Variants in EIF3B observed in about 807,000 individuals in gnomAD.
EIF3B encodes the protein eukaryotic translation initiation factor 3 subunit B.
EIF3B carries 10 observed loss-of-function variants against 104.6 expected under a neutral mutation model. That is an observed-to-expected ratio of 0.10 (90% CI 0.06 to 0.16). The LOEUF (loss-of-function observed/expected upper bound fraction) is 0.16, where lower values mean the gene tolerates loss of function less well. EIF3B is among the 10% of genes least tolerant of loss of function. The pLI is 1.00. For missense variants in EIF3B, 1,014 were observed against 1,087.9 expected, an observed-to-expected ratio of 0.93 and a Z score of 0.96; for synonymous variants, 542 against 417.2, an observed-to-expected ratio of 1.30 and a Z score of -3.65.
In EIF3B at chr7:2,369,878, A is replaced by G. The variant is rs1193610877; in HGVS notation, c.1614+196A>G. Among the ~76,000 whole-genome samples the G allele has an allele frequency of 6.6e-5, 9 of 137,170 alleles. No individual in the cohort carries two copies. Among genetic ancestry groups the G allele is most frequent in the Non-Finnish European group, 1.4e-4 (9 of 66,146 alleles). 90.0% of individuals were successfully genotyped at this position (137,170 alleles called of 152,430 possible). A position where few individuals can be genotyped will look rare whatever the true frequency, so the allele number is the denominator to read the frequency against. On this transcript the variant is annotated intron_variant, in intron 10 of 18. Coordinates refer to ENST00000360876, the MANE Select transcript of EIF3B (RefSeq NM_001037283.2). ...TGCAGTCTCTGCCTCCTGGTTTCAAATGATTCTTCTGCCTCAGCTTCCCAA... is the reference window on the plus strand; with the variant it reads ...TGCAGTCTCTGCCTCCTGGTTTCAAGTGATTCTTCTGCCTCAGCTTCCCAA...
In EIF3B at chr7:2,378,753, C is replaced by G. The variant is rs1365425855; in HGVS notation, c.2219C>G (p.Ser740Cys). 1.2e-6 allele frequency: 2 copies of G among 1,613,754 alleles called. No homozygotes were observed. The highest frequency in any genetic ancestry group is 1.7e-6 in the Non-Finnish European group (2 of 1,179,750). Reference protein sequence around the residue: ...IFEQKDRLSQSKASKELVERR... With the variant: ...IFEQKDRLSQCKASKELVERR... Reference sequence around the variant, plus strand: ...GAACAGAAGGATCGTTTGAGTCAGTCCAAAGCCTCAAAGGTGAGCCTCATT... The same window carrying G: ...GAACAGAAGGATCGTTTGAGTCAGTGCAAAGCCTCAAAGGTGAGCCTCATT... The change falls in exon 16 of 19, where the codon TCC becomes TGC. Residue 740 changes from serine to cysteine, a missense_variant. This residue lies in a region of EIF3B where 266 missense variants were observed against 324.0 expected (regional missense o/e 0.82). Coordinates refer to ENST00000360876, the MANE Select transcript of EIF3B (RefSeq NM_001037283.2).
chr7:2,355,582 C>G (rs1162156151), intron 1 of EIF3B, among the ~76,000 whole-genome samples, 162 bp downstream of exon 1: 1 of 152,124 alleles, frequency 6.6e-6, no homozygotes, highest in Non-Finnish European at 1.5e-5. Context: ...CCCGAGTGCC[C>G]TGGAAGTGTT....
Position 2,366,992 on chromosome 7 carries a change from T to G in EIF3B, c.1357-7T>G, listed in dbSNP as rs1780059420. On this transcript the variant is annotated splice_polypyrimidine_tract_variant and splice_region_variant and intron_variant, in intron 8 of 18. Coordinates refer to ENST00000360876, the MANE Select transcript of EIF3B (RefSeq NM_001037283.2). ...ACTCAACTGCAGCCTTCCTTTTTTT[T>G]GGGCAGTCTATGGGTCTTTTGGACA... The G allele has an allele frequency of 1.9e-6, 3 of 1,611,828 alleles. No individual in the cohort carries two copies. Among genetic ancestry groups the G allele is most frequent in the Admixed American group, 1.7e-5 (1 of 59,424 alleles).
rs767631913 is a variant in EIF3B at position 2,362,684 on chromosome 7, G to C, written c.732G>C (p.Val244=). The C allele has an allele frequency of 1.9e-6, 3 of 1,614,098 alleles. No homozygotes were observed. Among genetic ancestry groups the C allele is most frequent in the Non-Finnish European group, 2.5e-6 (3 of 1,180,050 alleles). The part of the protein sequence containing the change: ...FLEYASPAHA[V]DAVKNADGYK... ...AGTACGCGTCCCCTGCCCACGCTGTGGATGCTGTGAAGAACGCCGACGGCT... is the reference window on the plus strand; with the variant it reads ...AGTACGCGTCCCCTGCCCACGCTGTCGATGCTGTGAAGAACGCCGACGGCT... The change falls in exon 3 of 19, where the codon GTG becomes GTC. Residue 244 remains valine, a synonymous_variant. Transcript: ENST00000360876.
In EIF3B at chr7:2,355,057, G is replaced by A. The variant is rs1021447265; in HGVS notation, c.136G>A (p.Ala46Thr). 26 of 1,227,458 alleles carry A rather than the reference G, an allele frequency of 2.1e-5. No individual in the cohort carries two copies. In the African/African-American group the frequency reaches 3.8e-4, roughly 18 times the overall value. The allele number at this position is 1,227,458 out of a possible 1,614,324, so 76.0% of individuals were successfully genotyped here. ...CGCGGGGCCCGGCGCTCCGGAGGCC[G>A]CGGGGACCGAGGCCTCCAGTGAGGA... ...RPAGPGAPEA[A>T]GTEASSEEVG... is the part of the protein sequence containing the mutation. The change falls in exon 1 of 19, where the codon GCG (alanine) becomes ACG (threonine). Residue 46 changes from alanine to threonine, a missense_variant. Around this residue, in one of 4 missense-constraint regions of EIF3B, gnomAD observed 488 missense variants for 404.3 expected, o/e 1.21. Transcript: ENST00000360876.
chr7:2,376,822 A>C, intron 14 of EIF3B, 128 bp from the exon 15 acceptor site: 2 of 1,358,464 alleles, frequency 1.5e-6, no homozygotes, highest in Non-Finnish European at 2.0e-6. Context: ...CTGTCAGCTC[A>C]GCACAGGCAG....
At chr7:2,377,592 T>C (rs1171043984) in intron 15 of EIF3B, among the ~76,000 whole-genome samples, 2 of 106,698 alleles carry the variant, frequency 1.9e-5, no homozygotes, top group African/African-American at 1.2e-4. Flanking sequence ...ACCCTGGGTG[T>C]CATGGAGGAA....
At position 2,374,686 on chromosome 7, in the gene EIF3B, G is replaced by A. The variant is rs529154033; in HGVS notation, c.1889+80G>A. The A allele has an allele frequency of 4.9e-5, 64 of 1,318,670 alleles. 1 individual carries two copies. Among genetic ancestry groups the A allele is most frequent in the Admixed American group, 3.2e-4 (16 of 50,712 alleles). 81.7% of individuals were successfully genotyped at this position (1,318,670 alleles called of 1,614,324 possible). A position where few individuals can be genotyped will look rare whatever the true frequency, so the allele number is the denominator to read the frequency against. On this transcript the variant is annotated intron_variant, in intron 13 of 18. Coordinates refer to ENST00000360876, the MANE Select transcript of EIF3B (RefSeq NM_001037283.2). ...AGAGACCCCTCAGGCGCCTGCACCC[G>A]GCTTCTTGGTAGAGAGAGTATTGTG...
intron 14 of EIF3B, 109 bp from the exon 15 acceptor site, chr7:2,376,841 T>C (rs1583181462): frequency 6.8e-7 from 1 of 1,478,594 alleles, no homozygotes; most frequent in East Asian, 2.3e-5. Flanking sequence ...AGAGCTTTGT[T>C]TGCTTCACAC....
intron 13 of EIF3B, chr7:2,374,932 G>A (rs1010302): frequency 0.26 from 81,185 of 316,678 alleles, 12,842 homozygotes; most frequent in African/African-American, 0.53. Context: ...TCAGTCCCTT[G>A]TCTTCTAGTG....
In EIF3B at chr7:2,363,735, A is replaced by G. The variant is rs1282005010; in HGVS notation, c.974A>G (p.Asp325Gly). 1.2e-6 allele frequency: 2 copies of G among 1,613,898 alleles called. No individual in the cohort carries two copies. The highest frequency in any genetic ancestry group is 2.2e-5 in the South Asian group (2 of 91,046). ...TCCATATTCTGGAATGACGTAAAAG[A>G]CCCTGTCTCAATTGAAGAAAGAGCG... Reference protein sequence around the residue: ...RTSIFWNDVKDPVSIEERARW... With the variant: ...RTSIFWNDVKGPVSIEERARW... Residue 325 changes from aspartate (D) to glycine (G), a missense_variant, in exon 5 of 19, where the codon GAC (aspartate) becomes GGC (glycine). Asp to Gly is a moderately conservative substitution (Grantham distance 94, BLOSUM62 -1). This residue lies in a region of EIF3B where 201 missense variants were observed against 240.7 expected (regional missense o/e 0.83). Coordinates refer to ENST00000360876, the MANE Select transcript of EIF3B (RefSeq NM_001037283.2).
At chr7:2,371,738 TG>T in intron 10 of EIF3B, 38 bp from the exon 11 acceptor site, 1 of 1,440,390 alleles carries the variant, frequency 6.9e-7, no homozygotes. Context: ...ATATTTTCAC[TG>T]TCCAGAATGT....
At chr7:2,375,246 C>T in intron 13 of EIF3B, 143 bp from the exon 14 acceptor site, 9 of 960,376 alleles carry the variant, frequency 9.4e-6, no homozygotes. Context: ...TCACAGCGGC[C>T]ACCAGAGGCT....
chr7:2,377,184 G>A (rs1428783809), intron 15 of EIF3B, 109 bp downstream of exon 15: 19 of 1,409,044 alleles, frequency 1.3e-5, no homozygotes, highest in East Asian at 9.8e-5. Context: ...GGATAAAAAC[G>A]TGACATTTGC....
chr7:2,379,939 G>C (rs1173189593), intron 18 of EIF3B: 1 of 260,128 alleles, frequency 3.8e-6, no homozygotes, highest in Admixed American at 5.1e-5. Flanking sequence ...AGCAGAGTGC[G>C]GGAGCTCCTG....
At position 2,378,581 on chromosome 7, in the gene EIF3B, T is replaced by C. The variant is rs144081888; in HGVS notation, c.2155-108T>C. ...GCATGCGAGCGCTCCTGGGAAGCTGTGTTCTGTGAATGGCTTTGGGTGTCA... is the reference window on the plus strand; with the variant it reads ...GCATGCGAGCGCTCCTGGGAAGCTGCGTTCTGTGAATGGCTTTGGGTGTCA... On this transcript the variant is annotated intron_variant, in intron 15 of 18. Coordinates refer to ENST00000360876, the MANE Select transcript of EIF3B (RefSeq NM_001037283.2). 70 of 930,720 alleles carry C rather than the reference T, an allele frequency of 7.5e-5. No homozygotes were observed. In the African/African-American group the frequency reaches 1.0e-3, roughly 14 times the overall value. The allele number at this position is 930,720 out of a possible 1,614,324, so 57.7% of individuals were successfully genotyped here.
chr7:2,370,863 A>G (rs758756693), intron 10 of EIF3B, among the ~76,000 whole-genome samples: 1 of 152,172 alleles, frequency 6.6e-6, no homozygotes, highest in Non-Finnish European at 1.5e-5. Context: ...TCACAAGGTC[A>G]GGAGATCGAG....
chr7:2,367,115 A>T, intron 9 of EIF3B, 70 bp downstream of exon 9: 1 of 1,393,542 alleles, frequency 7.2e-7, no homozygotes, highest in South Asian at 1.3e-5. Context: ...AAAAAAAAAA[A>T]AAAACACAAT....
rs888515202 is a variant in EIF3B at position 2,364,278 on chromosome 7, T to C, written c.1000-94T>C. ...CCGTCTCAAAAAAAAAAAAAGTTTG[T>C]AGAACAGATTCATTGTAGGATAAAT... On this transcript the variant is annotated intron_variant, in intron 5 of 18. Transcript: ENST00000360876. 6 of 1,245,766 alleles carry C rather than the reference T, an allele frequency of 4.8e-6. No individual in the cohort carries two copies. The African/African-American group carries it at 9.3e-5, about 19-fold the overall frequency. The allele number at this position is 1,245,766 out of a possible 1,614,324, so 77.2% of individuals were successfully genotyped here. A position where few individuals can be genotyped will look rare whatever the true frequency, so the allele number is the denominator to read the frequency against.
Sources: allele counts gnomAD v4.1 joint callset (sites outside exome capture counted in the v4.1 genomes callset), GRCh38; gene constraint gnomAD v4.1.1; regional missense constraint gnomAD v4.1.1; transcripts MANE v1.5; gene names NCBI Gene and HGNC (gene_info 2026-07-23, HGNC 2026-07-21).